The following SMAD9 variants were observed in gnomAD, a reference collection of about 807,000 sequenced individuals.
SMAD9 encodes the protein MAD homolog 9.
A neutral mutation model predicts 46.1 loss-of-function variants in SMAD9; 36 were observed. The ratio of observed to expected loss-of-function variants is 0.78; its 90% CI spans 0.60 to 1.03. The LOEUF is 1.03. Ranked by LOEUF, SMAD9 falls within the 50% of genes least tolerant of loss-of-function variation. SMAD9 has a pLI of 0.00. For missense variants in SMAD9, 572 were observed against 599.8 expected (o/e 0.95, Z 0.48); for synonymous variants, 245 against 237.1 (o/e 1.03, Z -0.31).
At chr13:36,861,235 A>G (rs1200213350) in intron 5 of SMAD9, among the ~76,000 whole-genome samples, 1 of 152,192 alleles carries the variant, frequency 6.6e-6, no homozygotes. Flanking sequence ...TTTAAGTCAC[A>G]AGGAATAAAA....
At chr13:36,918,302 TA>T (rs1178228898) in intron 1 of SMAD9, among the ~76,000 whole-genome samples, 17 of 152,234 alleles carry the variant, frequency 1.1e-4, no homozygotes, top group Non-Finnish European at 2.2e-4. Flanking sequence ...ACTGCACTGA[TA>T]AACATGAGTT....
intron 1 of SMAD9, among the ~76,000 whole-genome samples, chr13:36,886,375 G>A (rs1471910906): frequency 6.6e-6 from 1 of 152,248 alleles, no homozygotes; most frequent in East Asian, 1.9e-4. Flanking sequence ...GCAGGAGGAT[G>A]GGAGATGGAG....
chr13:36,858,267 A>G (rs1050872021), intron 5 of SMAD9, among the ~76,000 whole-genome samples: 10 of 152,262 alleles, frequency 6.6e-5, no homozygotes, highest in African/African-American at 2.4e-4. Context: ...GGCCTAGGTC[A>G]GAGGATGGAG....
intron 1 of SMAD9, among the ~76,000 whole-genome samples, chr13:36,896,402 G>A (rs2058529115): frequency 6.6e-6 from 1 of 152,058 alleles, no homozygotes. Flanking sequence ...CAAAGTGTTG[G>A]GCTTACAGGT....
intron 1 of SMAD9, among the ~76,000 whole-genome samples, chr13:36,899,309 C>T (rs1292519908): frequency 1.7e-4 from 26 of 152,134 alleles, no homozygotes; most frequent in Non-Finnish European, 2.9e-5. Flanking sequence ...CATGGATGTG[C>T]AAAATCAATA....
chr13:36,852,420 C>CA, intron 6 of SMAD9: 1 of 984,628 alleles, frequency 1.0e-6, no homozygotes, highest in Non-Finnish European at 1.2e-6. Context: ...GACAAAATAG[C>CA]AGGTGATGAA....
chr13:36,897,533 T>C (rs2058538407), intron 1 of SMAD9, among the ~76,000 whole-genome samples: 1 of 152,222 alleles, frequency 6.6e-6, no homozygotes, highest in Non-Finnish European at 1.5e-5. Flanking sequence ...TATTCATGAC[T>C]GTCTATTTGA....
chr13:36,919,523 G>C (rs2058724689), intron 1 of SMAD9, among the ~76,000 whole-genome samples: 1 of 152,180 alleles, frequency 6.6e-6, no homozygotes, highest in Non-Finnish European at 1.5e-5. Context: ...CAGAAGGCAA[G>C]TGAGGCCAAT....
chr13:36,873,027 C>T, intron 2 of SMAD9, 112 bp from the exon 3 acceptor site: 6 of 1,256,444 alleles, frequency 4.8e-6, no homozygotes, highest in Non-Finnish European at 6.8e-6. Flanking sequence ...AGCTGTTTTT[C>T]CCCTTGGGAA....
intron 1 of SMAD9, among the ~76,000 whole-genome samples, chr13:36,919,579 C>T (rs1824004189): frequency 6.6e-6 from 1 of 151,982 alleles, no homozygotes; most frequent in African/African-American, 2.4e-5. Context: ...GTCACAATGA[C>T]GACCCCCGCC....
chr13:36,918,827 C>T (rs1186729395), intron 1 of SMAD9, among the ~76,000 whole-genome samples: 1 of 152,196 alleles, frequency 6.6e-6, no homozygotes. Flanking sequence ...AGGAGACATG[C>T]TTGTAGTAGT....
chr13:36,850,722 T>C (rs964103131), intron 6 of SMAD9, among the ~76,000 whole-genome samples: 3 of 152,136 alleles, frequency 2.0e-5, no homozygotes, highest in African/African-American at 7.2e-5. Flanking sequence ...CATCCACACT[T>C]AGGGAGTTAA....
intron 6 of SMAD9, chr13:36,852,581 G>A: frequency 1.0e-6 from 1 of 983,558 alleles, no homozygotes; most frequent in Non-Finnish European, 1.2e-6. Flanking sequence ...ACTGCTCTCT[G>A]AATTAATCAC....
At chr13:36,898,297 G>A (rs1162585151) in intron 1 of SMAD9, among the ~76,000 whole-genome samples, 2 of 151,604 alleles carry the variant, frequency 1.3e-5, no homozygotes, top group African/African-American at 4.9e-5. Flanking sequence ...AACTTTCCCA[G>A]GAAAAATCAC....
intron 1 of SMAD9, among the ~76,000 whole-genome samples, chr13:36,886,201 A>T (rs965548480): frequency 2.0e-5 from 3 of 152,244 alleles, no homozygotes; most frequent in African/African-American, 7.2e-5. Context: ...GTAAGCCAGG[A>T]TTCAGACCCC....
At chr13:36,876,508 A>G (rs1177891558) in intron 2 of SMAD9, among the ~76,000 whole-genome samples, 1 of 152,216 alleles carries the variant, frequency 6.6e-6, no homozygotes, top group African/African-American at 2.4e-5. Flanking sequence ...CAGAGTTTCT[A>G]GTTTACACTT....
intron 2 of SMAD9, among the ~76,000 whole-genome samples, chr13:36,876,912 G>C (rs778441944): frequency 6.6e-6 from 1 of 151,036 alleles, no homozygotes; most frequent in South Asian, 2.1e-4. Flanking sequence ...AAAAACACAA[G>C]TAAGAAAAAC....
At chr13:36,851,167 C>T (rs534397321) in intron 6 of SMAD9, among the ~76,000 whole-genome samples, 3 of 152,300 alleles carry the variant, frequency 2.0e-5, no homozygotes, top group East Asian at 3.9e-4. Flanking sequence ...TTACAGTCAC[C>T]GCTGAACTCG....
chr13:36,905,735 A>C (rs1221541505), intron 1 of SMAD9, among the ~76,000 whole-genome samples: 2 of 135,542 alleles, frequency 1.5e-5, no homozygotes, highest in East Asian at 4.9e-4. Context: ...AGATTGTACA[A>C]CTGCACTCCA....
Sources: allele counts gnomAD v4.1 joint callset (sites outside exome capture counted in the v4.1 genomes callset), GRCh38; gene constraint gnomAD v4.1.1; transcripts MANE v1.5; gene names NCBI Gene and HGNC (gene_info 2026-07-23, HGNC 2026-07-21).